Variants in SULF1 observed in about 807,000 individuals in gnomAD.
SULF1 encodes the protein sulfatase 1, also known as extracellular sulfatase Sulf-1.
Under a neutral mutation model 110.5 loss-of-function variants are expected in SULF1, and 46 were observed. The ratio of observed to expected loss-of-function variants is 0.42; its 90% CI spans 0.33 to 0.53. SULF1 has a LOEUF of 0.53. Ranked by LOEUF, SULF1 falls within the 20% of genes least tolerant of loss-of-function variation. The pLI, the probability that SULF1 is intolerant of heterozygous loss-of-function variation, is 0.12. For missense variants in SULF1, 941 were observed against 1,094.2 expected (o/e 0.86, Z 1.98); for synonymous variants, 371 against 387.1 (o/e 0.96, Z 0.49).
At chr8:69,641,738 T>A (rs1468039750) in intron 22 of SULF1, among the ~76,000 whole-genome samples, 1 of 152,054 alleles carries the variant, frequency 6.6e-6, no homozygotes, top group Non-Finnish European at 1.5e-5. Flanking sequence ...AGAGAGACCC[T>A]GTCTCTAAAA....
At chr8:69,507,227 C>T (rs1449438304) in intron 3 of SULF1, among the ~76,000 whole-genome samples, 2 of 152,090 alleles carry the variant, frequency 1.3e-5, no homozygotes, top group African/African-American at 4.8e-5. Flanking sequence ...TCCTTTTTTG[C>T]AGGATAATTT....
rs571378840 is a variant in SULF1, at chr8:69,611,994, C to A, written c.1377+7062C>A. 3.9e-5 allele frequency among the ~76,000 whole-genome samples: 6 copies of A among 152,238 alleles called. No homozygotes were observed. The South Asian group carries it at 1.2e-3, about 32-fold the overall frequency. On this transcript the variant is annotated intron_variant, in intron 13 of 22. Transcript: ENST00000402687. ...CCAGTTTGTAGTCTTTTATCCCTCA[C>A]CTGCTTCCCAACCTTCCCCTCCAAG...
intron 3 of SULF1, among the ~76,000 whole-genome samples, chr8:69,519,597 G>A (rs1812156376): frequency 6.6e-6 from 1 of 152,016 alleles, no homozygotes; most frequent in Non-Finnish European, 1.5e-5. Context: ...GTATCTCTAG[G>A]ACAATAATGA....
chr8:69,609,177 C>T (rs925349009), intron 13 of SULF1, among the ~76,000 whole-genome samples: 1 of 151,910 alleles, frequency 6.6e-6, no homozygotes, highest in Non-Finnish European at 1.5e-5. Context: ...AGGGAGACGC[C>T]GTCTCCACGC....
At chr8:69,565,069 C>T (rs1462974011) in intron 5 of SULF1, among the ~76,000 whole-genome samples, 3 of 152,206 alleles carry the variant, frequency 2.0e-5, no homozygotes. Flanking sequence ...TTCACGCTGG[C>T]ACTTGGTCTC....
At chr8:69,488,898 TC>T (rs775714083), upstream of SULF1, among the ~76,000 whole-genome samples, 1 of 151,824 alleles carries the variant, frequency 6.6e-6, no homozygotes, top group Non-Finnish European at 1.5e-5. Flanking sequence ...GCCCTGAGGC[TC>T]CCCGGGGAAG....
intron 15 of SULF1, 132 bp downstream of exon 15, chr8:69,624,329 T>C: frequency 8.3e-7 from 1 of 1,210,996 alleles, no homozygotes; most frequent in South Asian, 1.7e-5. Context: ...CTGGCCTATG[T>C]AGCAACTGGG....
At chr8:69,508,295 G>A (rs1473864232) in intron 3 of SULF1, among the ~76,000 whole-genome samples, 1 of 152,038 alleles carries the variant, frequency 6.6e-6, no homozygotes, top group African/African-American at 2.4e-5. Flanking sequence ...GGTAGAGACG[G>A]GGTTTCTCCA....
At position 69,628,166 on chromosome 8, in the gene SULF1, T is replaced by C. The variant is rs762979545; in HGVS notation, c.2043-5T>C. 1.2e-6 allele frequency: 2 copies of C among 1,612,008 alleles called. No homozygotes were observed. Among genetic ancestry groups the C allele is most frequent in the East Asian group, 2.2e-5 (1 of 44,894 alleles). The stretch of plus-strand genomic sequence containing the variant: ...AGTCTCACTTTTTAATCTTCTCTCC[T>C]GCAGCTATTACAATAAAGAGAAAGG... On this transcript the variant is annotated splice_region_variant and splice_polypyrimidine_tract_variant and intron_variant, in intron 17 of 22. Transcript: ENST00000402687.
rs949340719 is a variant in SULF1 at position 69,563,588 on chromosome 8, T to C, written c.-84T>C. The C allele has an allele frequency of 1.2e-5, 2 of 173,326 alleles. No homozygotes were observed. Among genetic ancestry groups the C allele is most frequent in the African/African-American group, 2.4e-5 (1 of 42,016 alleles). The allele number at this position is 173,326 out of a possible 1,614,324, so 10.7% of individuals were successfully genotyped here. A position where few individuals can be genotyped will look rare whatever the true frequency, so the allele number is the denominator to read the frequency against. ...TACCTCTGAGAATAGAGATTGATTA[T>C]TCAACCAGGATACCTAATTCAAGGT... On this transcript the variant is annotated 5_prime_UTR_variant, in exon 4 of 23. Transcript: ENST00000402687.
Position 69,603,636 on chromosome 8 carries a change from T to A in SULF1, c.1227T>A (p.Asp409Glu). The A allele has an allele frequency of 6.2e-7, 1 of 1,613,646 alleles. No homozygotes were observed. The change falls in exon 12 of 23, where the codon GAT becomes GAA. Residue 409 changes from aspartate (D) to glutamate (E), a missense_variant. Asp to Glu is a conservative substitution (Grantham distance 45). Transcript: ENST00000402687. ...RTNKKAKIWRDTFLVERGKFL... is the reference protein window; with the variant it reads ...RTNKKAKIWRETFLVERGKFL... The stretch of plus-strand genomic sequence containing the variant: ...ACAAGAAGGCCAAAATTTGGCGTGA[T>A]ACATTCCTAGTGGAAAGAGGGTAAT...
intron 8 of SULF1, among the ~76,000 whole-genome samples, chr8:69,598,452 C>T (rs1479696347): frequency 2.0e-5 from 3 of 151,992 alleles, no homozygotes; most frequent in Non-Finnish European, 2.9e-5. Context: ...AGTGCAGTGG[C>T]GCAATCTCGG....
chr8:69,647,491 C>CA (rs1287512511), intron 22 of SULF1, among the ~76,000 whole-genome samples: 1 of 152,146 alleles, frequency 6.6e-6, no homozygotes, highest in Non-Finnish European at 1.5e-5. Flanking sequence ...GCTATTCCTA[C>CA]AATTCATCCA....
At chr8:69,468,672 G>C (rs1356723031) in intron 1 of SULF1, among the ~76,000 whole-genome samples, 1 of 152,150 alleles carries the variant, frequency 6.6e-6, no homozygotes, top group Non-Finnish European at 1.5e-5. Flanking sequence ...AAAAAATAAA[G>C]ACAGAAAGGC....
In SULF1 at chr8:69,578,762, C is replaced by G. The variant is rs553353426; in HGVS notation, c.412+2553C>G. ...AACTAAATCTGTTTCTAAACCTTTT[C>G]CCCAGGGTTTAGACACTTAGGTAAT... is the stretch of plus-strand genomic sequence containing the variant. On this transcript the variant is annotated intron_variant, in intron 6 of 22. Coordinates refer to ENST00000402687, the MANE Select transcript of SULF1 (RefSeq NM_001128205.2). Among the ~76,000 whole-genome samples, 16 of 152,146 alleles carry G rather than the reference C, an allele frequency of 1.1e-4. 1 individual carries two copies. The highest frequency in any genetic ancestry group is 6.5e-4 in the Admixed American group (10 of 15,300).
At chr8:69,478,612 TA>T (rs1212665308) in intron 1 of SULF1, among the ~76,000 whole-genome samples, 1 of 152,208 alleles carries the variant, frequency 6.6e-6, no homozygotes. Flanking sequence ...CAAGCCTCAT[TA>T]CCTCCATGGA....
In SULF1 at chr8:69,598,935, C is replaced by T. The variant is rs547494389; in HGVS notation, c.735-1668C>T. ...CTGGTCACCAGGGTAACTTTGTCAA[C>T]CAAGAAGGCCAAGGATCCCAAACCA... is the stretch of plus-strand genomic sequence containing the variant. On this transcript the variant is annotated intron_variant, in intron 8 of 22. Coordinates refer to ENST00000402687, the MANE Select transcript of SULF1 (RefSeq NM_001128205.2). Among the ~76,000 whole-genome samples, 65 of 152,032 alleles carry T rather than the reference C, an allele frequency of 4.3e-4. No homozygotes were observed. In the South Asian group the frequency reaches 8.3e-3, roughly 19 times the overall value.
At chr8:69,604,393 ATTG>A (rs1411403729) in intron 12 of SULF1, among the ~76,000 whole-genome samples, 1 of 152,142 alleles carries the variant, frequency 6.6e-6, no homozygotes, top group African/African-American at 2.4e-5. Context: ...AATGTATGCC[ATTG>A]TAATTATTTC....
In SULF1 at chr8:69,659,938, A is replaced by G. The variant is rs1813002722; in HGVS notation, c.*1403A>G. 6.6e-6 allele frequency: 1 copy of G among 152,648 alleles called. No homozygotes were observed. Among genetic ancestry groups the G allele is most frequent in the Non-Finnish European group, 1.5e-5 (1 of 68,040 alleles). 9.5% of individuals were successfully genotyped at this position (152,648 alleles called of 1,614,324 possible). A position where few individuals can be genotyped will look rare whatever the true frequency, so the allele number is the denominator to read the frequency against. On this transcript the variant is annotated 3_prime_UTR_variant, in exon 23 of 23. Coordinates refer to ENST00000402687, the MANE Select transcript of SULF1 (RefSeq NM_001128205.2). ...CACAGTATGGATCACATATTGTTTG[A>G]CATTAAGCTTTTGCCAGAAAATGTT...
Sources: allele counts gnomAD v4.1 joint callset (sites outside exome capture counted in the v4.1 genomes callset), GRCh38; gene constraint gnomAD v4.1.1; transcripts MANE v1.5; gene names NCBI Gene and HGNC (gene_info 2026-07-23, HGNC 2026-07-21).